The following STK32A variants were observed in gnomAD, a reference collection of about 807,000 sequenced individuals.
The protein encoded by STK32A is serine/threonine-protein kinase 32A.
Under a neutral mutation model 53.2 loss-of-function variants are expected in STK32A, and 41 were observed. That is an observed-to-expected ratio of 0.77 (90% CI 0.60 to 1.00). STK32A has a LOEUF of 1.00. Among genes scored for constraint, STK32A ranks in the 50% least tolerant of loss-of-function variants. The pLI is 0.00. For synonymous variants in STK32A, 166 were observed against 162.8 expected, an observed-to-expected ratio of 1.02 and a Z score of -0.15; for missense variants, 458 against 485.8, an observed-to-expected ratio of 0.94 and a Z score of 0.54.
the STK32A span, among the ~76,000 whole-genome samples, chr5:147,395,229 G>A: frequency 6.6e-6 from 1 of 152,168 alleles, no homozygotes; most frequent in African/African-American, 2.4e-5. Context: ...GTTGCATAGC[G>A]CTCATAGGCT....
In STK32A at chr5:147,374,286, C is replaced by CAAA. The variant is rs113267930; in HGVS notation, c.904-791_904-789dup. 3.8e-3 allele frequency among the ~76,000 whole-genome samples: 504 copies of CAAA among 133,964 alleles called. 3 individuals are homozygous for CAAA. The highest frequency in any genetic ancestry group is 0.013 in the African/African-American group (477 of 37,544). 87.9% of individuals were successfully genotyped at this position (133,964 alleles called of 152,430 possible). Reference sequence around the variant, plus strand: ...TGGGTAACAGAGTGAGACCCTGTCTCAAAAAAAAAAAAAAATTACTCTTAA... The same window carrying CAAA: ...TGGGTAACAGAGTGAGACCCTGTCTCAAAAAAAAAAAAAAAAAATTACTCTTAA... On this transcript the variant is annotated intron_variant, in intron 10 of 12. Coordinates refer to ENST00000397936, the MANE Select transcript of STK32A (RefSeq NM_001112724.2).
Position 147,313,093 on chromosome 5 carries a change from G to T in STK32A, c.261-10805G>T, listed in dbSNP as rs994041234. On this transcript the variant is annotated intron_variant, in intron 4 of 12. Transcript: ENST00000397936. ...AAAAAAAAAAAAAAAAAATTAGCCA[G>T]TCATGGTGGTACATGCCTGTAGTCT... Among the ~76,000 whole-genome samples the T allele has an allele frequency of 6.4e-5, 9 of 140,196 alleles. No individual in the cohort carries two copies. In the East Asian group the frequency reaches 1.8e-3, roughly 28 times the overall value. The allele number at this position is 140,196 out of a possible 152,430, so 92.0% of individuals were successfully genotyped here. A position where few individuals can be genotyped will look rare whatever the true frequency, so the allele number is the denominator to read the frequency against.
chr5:147,300,596 C>A (rs532541960), intron 4 of STK32A, among the ~76,000 whole-genome samples: 1 of 152,174 alleles, frequency 6.6e-6, no homozygotes, highest in Non-Finnish European at 1.5e-5. Context: ...AGGGCTAAGG[C>A]CTTTGGCTTC....
At chr5:147,356,125 G>A (rs190463210) in intron 7 of STK32A, among the ~76,000 whole-genome samples, 60 of 152,062 alleles carry the variant, frequency 3.9e-4, no homozygotes, top group African/African-American at 1.3e-3. Context: ...ATCAGGCCCA[G>A]AGAGAGAGAA....
chr5:147,300,292 G>A (rs763335767), intron 4 of STK32A, among the ~76,000 whole-genome samples: 7 of 152,166 alleles, frequency 4.6e-5, no homozygotes, highest in Non-Finnish European at 5.9e-5. Flanking sequence ...GCTAGGAAGT[G>A]GCAGAGCGAG....
intron 6 of STK32A, among the ~76,000 whole-genome samples, chr5:147,344,456 T>C (rs554294113): frequency 1.8e-4 from 28 of 152,198 alleles, no homozygotes; most frequent in Non-Finnish European, 3.7e-4. Flanking sequence ...AGATTTAGCA[T>C]GAAGGTGACT....
the STK32A span, among the ~76,000 whole-genome samples, chr5:147,400,049 A>T: frequency 6.6e-6 from 1 of 152,348 alleles, no homozygotes; most frequent in Non-Finnish European, 1.5e-5. Context: ...TAACTTTGAT[A>T]AGAATGTTTT....
chr5:147,305,937 T>C (rs2151968346), intron 4 of STK32A, among the ~76,000 whole-genome samples: 1 of 151,418 alleles, frequency 6.6e-6, no homozygotes, highest in African/African-American at 2.4e-5. Context: ...TTCCAAAATA[T>C]GTGTACTTCT....
chr5:147,362,201 A>G (rs116631786), intron 8 of STK32A, among the ~76,000 whole-genome samples: 80 of 152,376 alleles, frequency 5.3e-4, no homozygotes, highest in African/African-American at 1.9e-3. Flanking sequence ...ATTACATAAT[A>G]GAAATACACT....
At chr5:147,313,151 G>A (rs1724256869) in intron 4 of STK32A, among the ~76,000 whole-genome samples, 2 of 152,014 alleles carry the variant, frequency 1.3e-5, no homozygotes, top group Admixed American at 1.3e-4. Flanking sequence ...GGAAGGACAG[G>A]TTGAGCCTTG....
At chr5:147,371,548 G>A (rs1757007292) in intron 9 of STK32A, among the ~76,000 whole-genome samples, 1 of 152,082 alleles carries the variant, frequency 6.6e-6, no homozygotes, top group South Asian at 2.1e-4. Flanking sequence ...AGTTCCTCCA[G>A]TTCCTCCTTG....
chr5:147,281,269 C>A (rs1752052520), intron 4 of STK32A, among the ~76,000 whole-genome samples: 1 of 152,172 alleles, frequency 6.6e-6, no homozygotes, highest in South Asian at 2.1e-4. Context: ...CCTGATTTAC[C>A]TGAAAAAGAA....
intron 2 of STK32A, among the ~76,000 whole-genome samples, chr5:147,246,679 G>A (rs1045567088): frequency 2.6e-5 from 4 of 151,996 alleles, no homozygotes; most frequent in Non-Finnish European, 4.4e-5. Context: ...TGGTTTAATG[G>A]CAACAAATTT....
the STK32A span, chr5:147,401,714 C>T: frequency 1.2e-6 from 2 of 1,613,812 alleles, no homozygotes; most frequent in Non-Finnish European, 1.7e-6. Flanking sequence ...GGGCAGGAAA[C>T]AGACAAGGGG....
chr5:147,303,725 A>G (rs1165178449), intron 4 of STK32A, among the ~76,000 whole-genome samples: 1 of 152,242 alleles, frequency 6.6e-6, no homozygotes, highest in Non-Finnish European at 1.5e-5. Flanking sequence ...TCAGAGCCAC[A>G]TGATGTTATT....
chr5:147,339,479 A>G lies in STK32A; in HGVS notation c.435-3527A>G, dbSNP rs12520436. ...GGAAATATGGGGTGGGAACCCACAC[A>G]CAGAGTTCCCACTAGGGCACCACCT... On this transcript the variant is annotated intron_variant, in intron 5 of 12. Transcript: ENST00000397936. Among the ~76,000 whole-genome samples, 2,061 of 152,378 alleles carry G rather than the reference A, an allele frequency of 0.014. 141 individuals carry two copies. In the East Asian group the frequency reaches 0.2, roughly 15 times the overall value.
chr5:147,397,927 C>T, the STK32A span: 2 of 1,365,016 alleles, frequency 1.5e-6, no homozygotes, highest in South Asian at 1.6e-5. Context: ...CCTTCAGTGT[C>T]ATTTGCTGCT....
intron 2 of STK32A, among the ~76,000 whole-genome samples, chr5:147,257,673 G>A (rs1340418530): frequency 2.0e-5 from 3 of 152,214 alleles, no homozygotes; most frequent in Middle Eastern, 3.4e-3. Context: ...CAGTCTTGGT[G>A]GTGAGCAGCA....
chr5:147,292,872 A>AG (rs1752670635), intron 4 of STK32A, among the ~76,000 whole-genome samples: 1 of 149,814 alleles, frequency 6.7e-6, no homozygotes, highest in Non-Finnish European at 1.5e-5. Context: ...AAAAAAAAAA[A>AG]GAAAAATTTA....
Sources: gnomAD v4.1 joint callset for allele counts (sites outside exome capture counted in the v4.1 genomes callset) on GRCh38, gnomAD v4.1.1 for gene constraint, MANE v1.5 for transcripts, NCBI Gene and HGNC (gene_info 2026-07-23, HGNC 2026-07-21) for gene names.